Variants in ADGRL3 observed in about 807,000 individuals in gnomAD.
ADGRL3 encodes adhesion G protein-coupled receptor L3, also known as calcium-independent alpha-latrotoxin receptor 3.
Under a neutral mutation model 153.5 loss-of-function variants are expected in ADGRL3, and 62 were observed. The ratio of observed to expected loss-of-function variants is 0.40; its 90% CI spans 0.33 to 0.50. The LOEUF (loss-of-function observed/expected upper bound fraction) is 0.50, where lower values mean the gene tolerates loss of function less well. ADGRL3 is among the 20% of genes least tolerant of loss of function. ADGRL3 has a pLI of 0.47. For missense variants in ADGRL3, 1,641 were observed against 1,859.4 expected, an observed-to-expected ratio of 0.88 and a Z score of 2.16; for synonymous variants, 710 against 672.5, an observed-to-expected ratio of 1.06 and a Z score of -0.86.
chr4:61,884,695 G>A (rs964269429), intron 9 of ADGRL3, among the ~76,000 whole-genome samples: 1 of 151,886 alleles, frequency 6.6e-6, no homozygotes, highest in Non-Finnish European at 1.5e-5. Context: ...CGCGATCTTG[G>A]CTCACTGAAA....
chr4:61,432,583 T>TTC (rs2097371967), intron 2 of ADGRL3, among the ~76,000 whole-genome samples: 2 of 1,984 alleles, frequency 1.0e-3, no homozygotes, highest in Non-Finnish European at 5.2e-3. Flanking sequence ...CCTTTCTTTC[T>TTC]TTCTTTCTTT....
rs539412893 is a variant in ADGRL3, at chr4:61,564,251, T to C, written c.260-22976T>C. ...TTGCTTTCGTTTTGGGGGGCTTTGTTTTTTTGTTTGTTTTTGTTGGTTGGT... is the reference window on the plus strand; with the variant it reads ...TTGCTTTCGTTTTGGGGGGCTTTGTCTTTTTGTTTGTTTTTGTTGGTTGGT... On this transcript the variant is annotated intron_variant, in intron 4 of 26. Transcript: ENST00000683033. 1.2e-4 allele frequency among the ~76,000 whole-genome samples: 18 copies of C among 152,116 alleles called. No homozygotes were observed. In the South Asian group the frequency reaches 2.7e-3, roughly 23 times the overall value.
intron 8 of ADGRL3, among the ~76,000 whole-genome samples, chr4:61,776,460 T>A (rs368213164): frequency 6.6e-6 from 1 of 152,196 alleles, no homozygotes; most frequent in African/African-American, 2.4e-5. Flanking sequence ...TCTGAAATAA[T>A]CACTTAGTTG....
At chr4:61,535,966 T>C (rs2098653329) in intron 4 of ADGRL3, among the ~76,000 whole-genome samples, 1 of 152,102 alleles carries the variant, frequency 6.6e-6, no homozygotes, top group African/African-American at 2.4e-5. Flanking sequence ...CTTATTTTTC[T>C]AGTTCCTTTG....
chr4:61,743,095 C>T (rs995411327), intron 8 of ADGRL3, among the ~76,000 whole-genome samples: 4 of 151,024 alleles, frequency 2.6e-5, no homozygotes, highest in South Asian at 2.1e-4. Context: ...CCAAGGCAGG[C>T]GGATCACAAG....
intron 6 of ADGRL3, among the ~76,000 whole-genome samples, chr4:61,687,980 A>G (rs1457599825): frequency 6.6e-6 from 1 of 152,086 alleles, no homozygotes; most frequent in Non-Finnish European, 1.5e-5. Flanking sequence ...CTCATGATAC[A>G]AACATGACTG....
At chr4:61,872,426 T>G (rs372630914) in intron 9 of ADGRL3, among the ~76,000 whole-genome samples, 2 of 149,582 alleles carry the variant, frequency 1.3e-5, no homozygotes, top group African/African-American at 4.9e-5. Flanking sequence ...TTTTTTTTCT[T>G]AATAAGAAGT....
chr4:62,016,389 T>G (rs2099211940), intron 21 of ADGRL3, among the ~76,000 whole-genome samples: 2 of 152,158 alleles, frequency 1.3e-5, no homozygotes. Flanking sequence ...AGTTTTACAA[T>G]TCGTGTTACA....
At chr4:61,336,326 C>T (rs541645543) in intron 1 of ADGRL3, among the ~76,000 whole-genome samples, 2 of 152,076 alleles carry the variant, frequency 1.3e-5, no homozygotes, top group Non-Finnish European at 2.9e-5. Flanking sequence ...ATTTCATAAG[C>T]GATTTGGACC....
chr4:61,397,786 T>G (rs2096885586), intron 2 of ADGRL3, among the ~76,000 whole-genome samples: 1 of 151,926 alleles, frequency 6.6e-6, no homozygotes, highest in South Asian at 2.1e-4. Context: ...CTCTTATCAC[T>G]AAGAATCATT....
intron 9 of ADGRL3, among the ~76,000 whole-genome samples, chr4:61,865,290 A>C (rs2098389300): frequency 6.6e-6 from 1 of 152,174 alleles, no homozygotes; most frequent in Admixed American, 6.5e-5. Flanking sequence ...AAATCTAAGT[A>C]GTTTTGAAAG....
intron 4 of ADGRL3, among the ~76,000 whole-genome samples, chr4:61,558,049 T>C (rs2148920259): frequency 6.6e-6 from 1 of 150,564 alleles, no homozygotes; most frequent in Non-Finnish European, 1.5e-5. Context: ...ATACATATTC[T>C]GCATTTTAGT....
chr4:61,628,214 G>A (rs112620762), intron 5 of ADGRL3, among the ~76,000 whole-genome samples: 1,584 of 152,186 alleles, frequency 0.01, 30 homozygotes, highest in African/African-American at 0.034. Context: ...CTGACACAGA[G>A]AGGTTTAATA....
chr4:61,678,941 C>G (rs1362796154), intron 6 of ADGRL3, among the ~76,000 whole-genome samples: 1 of 151,886 alleles, frequency 6.6e-6, no homozygotes, highest in African/African-American at 2.4e-5. Context: ...AGTGATCATT[C>G]AAAAGGTAGA....
intron 1 of ADGRL3, among the ~76,000 whole-genome samples, chr4:61,369,394 G>A (rs35943566): frequency 3.9e-5 from 6 of 152,106 alleles, no homozygotes; most frequent in Admixed American, 3.3e-4. Context: ...ATTATTTTGA[G>A]ATATGTCCCA....
chr4:61,349,810 T>C (rs2096002913), intron 1 of ADGRL3, among the ~76,000 whole-genome samples: 2 of 152,162 alleles, frequency 1.3e-5, no homozygotes, highest in Admixed American at 1.3e-4. Context: ...CCCTGGCTCC[T>C]AAAATTGTAC....
At chr4:61,736,946 T>C (rs1296254445) in intron 8 of ADGRL3, among the ~76,000 whole-genome samples, 1 of 152,216 alleles carries the variant, frequency 6.6e-6, no homozygotes, top group Non-Finnish European at 1.5e-5. Context: ...AGAATATGTA[T>C]AGAAATAAAT....
intron 1 of ADGRL3, among the ~76,000 whole-genome samples, chr4:61,320,228 G>A (rs1185424718): frequency 6.6e-6 from 1 of 152,152 alleles, no homozygotes; most frequent in African/African-American, 2.4e-5. Context: ...ATCTGTGTAT[G>A]TTGTTACTGG....
At chr4:61,497,444 G>T in intron 3 of ADGRL3, 96 bp downstream of exon 3, 2 of 637,212 alleles carry the variant, frequency 3.1e-6, no homozygotes, top group Admixed American at 3.7e-5. Context: ...CTGCTTTGTA[G>T]TTTTTCCTTA....
Sources: gnomAD v4.1 joint callset for allele counts (sites outside exome capture counted in the v4.1 genomes callset) on GRCh38, gnomAD v4.1.1 for gene constraint, MANE v1.5 for transcripts, NCBI Gene and HGNC (gene_info 2026-07-23, HGNC 2026-07-21) for gene names.